Variants in ARIH1 observed in about 807,000 individuals in gnomAD.
The protein encoded by ARIH1 is E3 ubiquitin-protein ligase ARIH1.
A neutral mutation model predicts 85.0 loss-of-function variants in ARIH1; 8 were observed. The observed-to-expected ratio is 0.09, with a 90% CI of 0.06 to 0.17. The LOEUF (loss-of-function observed/expected upper bound fraction) is 0.17, where lower values mean the gene tolerates loss of function less well. Among genes scored for constraint, ARIH1 ranks in the 10% least tolerant of loss-of-function variants. The pLI is 1.00. For synonymous variants in ARIH1, 238 were observed against 253.6 expected (o/e 0.94, Z 0.59); for missense variants, 311 against 718.1 (o/e 0.43, Z 6.48).
intron 1 of ARIH1, chr15:72,496,659 G>A: frequency 4.8e-6 from 1 of 208,778 alleles, no homozygotes; most frequent in Non-Finnish European, 8.3e-6. Context: ...TTTTACTATG[G>A]AATATAGATA....
chr15:72,538,250 G>A (rs754346884), intron 2 of ARIH1, among the ~76,000 whole-genome samples: 4 of 152,108 alleles, frequency 2.6e-5, no homozygotes, highest in Admixed American at 2.0e-4. Flanking sequence ...TCCGTAATCC[G>A]CTACTCCAGA....
intron 5 of ARIH1, among the ~76,000 whole-genome samples, chr15:72,558,157 C>T (rs2140430487): frequency 6.6e-6 from 1 of 152,234 alleles, no homozygotes; most frequent in South Asian, 2.1e-4. Context: ...ATGATGTTGG[C>T]TATGGGTTTG....
At chr15:72,562,974 C>A (rs956962146) in intron 6 of ARIH1, among the ~76,000 whole-genome samples, 1 of 151,512 alleles carries the variant, frequency 6.6e-6, no homozygotes, top group Non-Finnish European at 1.5e-5. Context: ...GTGTAATTAT[C>A]CCCCATTTGC....
rs2063788535 is a variant in ARIH1 at position 72,475,001 on chromosome 15, A to G, written c.362A>G (p.Asn121Ser). Reference protein sequence around the residue: ...QHMVECIREVNEVIQNPATIT... With the variant: ...QHMVECIREVSEVIQNPATIT... ...ATGGTGGAATGTATCCGGGAGGTCA[A>G]CGAGGTCATCCAGGTGAGGGTGGCC... Residue 121 changes from asparagine to serine, a missense_variant, in exon 1 of 14, where the codon AAC becomes AGC. By Grantham distance (46) the Asn-to-Ser change is conservative. Coordinates refer to ENST00000379887, the MANE Select transcript of ARIH1 (RefSeq NM_005744.5). 1 of 1,557,082 alleles carries G rather than the reference A, an allele frequency of 6.4e-7. No individual in the cohort carries two copies. Among genetic ancestry groups the G allele is most frequent in the Non-Finnish European group, 8.7e-7 (1 of 1,150,036 alleles).
chr15:72,589,122 C>G lies in ARIH1; in HGVS notation c.*5830C>G, dbSNP rs2064330124. On this transcript the variant is annotated 3_prime_UTR_variant, in exon 14 of 14. Coordinates refer to ENST00000379887, the MANE Select transcript of ARIH1 (RefSeq NM_005744.5). ...TTGTTGAGTGCTTTTTGCCAGATGC[C>G]TTACTTTTGTCTGTATCTTCCAAGC... is the stretch of plus-strand genomic sequence containing the variant. 1 of 152,102 alleles carries G rather than the reference C, an allele frequency of 6.6e-6. No individual in the cohort carries two copies. Among genetic ancestry groups the G allele is most frequent in the Non-Finnish European group, 1.5e-5 (1 of 68,010 alleles). The allele number at this position is 152,102 out of a possible 1,614,324, so 9.4% of individuals were successfully genotyped here.
intron 2 of ARIH1, among the ~76,000 whole-genome samples, chr15:72,527,825 A>C (rs1328371560): frequency 2.0e-5 from 3 of 152,120 alleles, no homozygotes; most frequent in African/African-American, 2.4e-5. Flanking sequence ...TTGATTTAGT[A>C]TTTTACCACT....
intron 3 of ARIH1, among the ~76,000 whole-genome samples, chr15:72,547,530 A>G (rs2064135163): frequency 6.6e-6 from 1 of 152,278 alleles, no homozygotes; most frequent in East Asian, 1.9e-4. Context: ...ACCGCACCCA[A>G]CAGTTTCTTT....
chr15:72,524,033 G>A lies in ARIH1; in HGVS notation c.443+5899G>A, dbSNP rs188144548. 4.3e-3 allele frequency among the ~76,000 whole-genome samples: 576 copies of A among 133,748 alleles called. 6 individuals are homozygous for A. Among genetic ancestry groups the A allele is most frequent in the African/African-American group, 0.014 (521 of 36,144 alleles). The allele number at this position is 133,748 out of a possible 152,430, so 87.7% of individuals were successfully genotyped here. ...GCAATCTCGGCTCACTGTAAGCTCC[G>A]CCTCCCGGGCTCACGCCATTCTCCT... On this transcript the variant is annotated intron_variant, in intron 2 of 13. Coordinates refer to ENST00000379887, the MANE Select transcript of ARIH1 (RefSeq NM_005744.5).
chr15:72,510,904 T>G (rs893779400), intron 1 of ARIH1, among the ~76,000 whole-genome samples: 2 of 152,106 alleles, frequency 1.3e-5, no homozygotes, highest in Non-Finnish European at 2.9e-5. Flanking sequence ...AACTTCATAG[T>G]TATGTTTTGA....
intron 1 of ARIH1, among the ~76,000 whole-genome samples, chr15:72,504,543 C>G (rs1454331760): frequency 6.6e-6 from 1 of 152,094 alleles, no homozygotes; most frequent in Non-Finnish European, 1.5e-5. Context: ...TTCCTGAAGT[C>G]AAGCTGCCCC....
chr15:72,597,139 G>A lies in ARIH1; in HGVS notation c.*13847G>A, dbSNP rs2064366409. ...AAAAAAAAAAGAAATTGAAGAAAATGTTTACTTCCAAAACAGAGCATGCCC... is the reference window on the plus strand; with the variant it reads ...AAAAAAAAAAGAAATTGAAGAAAATATTTACTTCCAAAACAGAGCATGCCC... On this transcript the variant is annotated 3_prime_UTR_variant, in exon 14 of 14. Transcript: ENST00000379887. 7.0e-6 allele frequency: 1 copy of A among 142,514 alleles called. No homozygotes were observed. 8.8% of individuals were successfully genotyped at this position (142,514 alleles called of 1,614,324 possible).
At chr15:72,510,349 AT>A (rs1329192622) in intron 1 of ARIH1, among the ~76,000 whole-genome samples, 3 of 152,106 alleles carry the variant, frequency 2.0e-5, no homozygotes, top group African/African-American at 7.2e-5. Context: ...TGTACGAACT[AT>A]TTGTGTAACT....
intron 1 of ARIH1, among the ~76,000 whole-genome samples, chr15:72,501,081 G>C (rs1257993050): frequency 6.6e-6 from 1 of 152,090 alleles, no homozygotes; most frequent in Non-Finnish European, 1.5e-5. Flanking sequence ...CGTAATTATT[G>C]AGCTGTGTAT....
chr15:72,529,417 A>G (rs935178763), intron 2 of ARIH1, among the ~76,000 whole-genome samples: 1 of 152,124 alleles, frequency 6.6e-6, no homozygotes, highest in African/African-American at 2.4e-5. Context: ...TTTTGTAGAG[A>G]TGGGACCTTA....
intron 2 of ARIH1, among the ~76,000 whole-genome samples, chr15:72,534,892 A>C (rs1004860398): frequency 6.6e-6 from 1 of 151,760 alleles, no homozygotes; most frequent in East Asian, 1.9e-4. Flanking sequence ...GGTTGTGCTC[A>C]TAGCCATCAC....
chr15:72,570,975 C>T (rs1487574532), intron 10 of ARIH1, among the ~76,000 whole-genome samples: 1 of 151,464 alleles, frequency 6.6e-6, no homozygotes, highest in Non-Finnish European at 1.5e-5. Flanking sequence ...ACTAAAAATA[C>T]AAAATTAGCC....
At chr15:72,544,740 C>G (rs1306848280) in intron 2 of ARIH1, 80 bp from the exon 3 acceptor site, 2 of 1,271,666 alleles carry the variant, frequency 1.6e-6, no homozygotes, top group Non-Finnish European at 2.1e-6. Context: ...TTGCTTTTCC[C>G]TATAGAAAGT....
chr15:72,553,199 T>C (rs1292710936), intron 3 of ARIH1, among the ~76,000 whole-genome samples: 1 of 152,208 alleles, frequency 6.6e-6, no homozygotes, highest in East Asian at 1.9e-4. Flanking sequence ...AAATGTTCTT[T>C]AAAATAAGGT....
In ARIH1 at chr15:72,474,937, C is replaced by T. The variant is rs1359687603; in HGVS notation, c.298C>T (p.Arg100Cys). The change falls in exon 1 of 14, where the codon CGC becomes TGC. Residue 100 changes from arginine to cysteine, a missense_variant. Around this residue, in one of 3 missense-constraint regions of ARIH1, gnomAD observed 157 missense variants for 185.1 expected, o/e 0.85. Coordinates refer to ENST00000379887, the MANE Select transcript of ARIH1 (RefSeq NM_005744.5). ...GGGGCATGAGCAGGAGGAGGATTAC[C>T]GCTACGAGGTGCTCACGGCCGAGCA... ...GPGHEQEEDYRYEVLTAEQIL... is the reference protein window; with the variant it reads ...GPGHEQEEDYCYEVLTAEQIL... 4 of 1,541,922 alleles carry T rather than the reference C, an allele frequency of 2.6e-6. No homozygotes were observed. Among genetic ancestry groups the T allele is most frequent in the Non-Finnish European group, 3.5e-6 (4 of 1,142,856 alleles).
Sources: gnomAD v4.1 joint callset for allele counts (sites outside exome capture counted in the v4.1 genomes callset) on GRCh38, gnomAD v4.1.1 for gene constraint, gnomAD v4.1.1 regional missense constraint, MANE v1.5 for transcripts, NCBI Gene and HGNC (gene_info 2026-07-23, HGNC 2026-07-21) for gene names.